Variants in FAM168B observed in about 807,000 individuals in gnomAD.
The protein encoded by FAM168B is family with sequence similarity 168 member B, also known as myelin-associated neurite-outgrowth inhibitor.
A neutral mutation model predicts 21.8 loss-of-function variants in FAM168B; 19 were observed. That is an observed-to-expected ratio of 0.87 (90% confidence interval 0.61 to 1.28). FAM168B has a LOEUF of 1.28. Ranked by LOEUF, FAM168B falls within the 50% of genes most tolerant of loss-of-function variation. The pLI is 0.00. For synonymous variants in FAM168B, 126 were observed against 104.8 expected (o/e 1.20, Z -1.24); for missense variants, 233 against 263.1 (o/e 0.89, Z 0.79).
chr2:131,089,549 G>A (rs1480834373), intron 1 of FAM168B, among the ~76,000 whole-genome samples: 7 of 149,578 alleles, frequency 4.7e-5, no homozygotes, highest in South Asian at 2.1e-4. Context: ...TGGCTAACAC[G>A]GTGAAACCTG....
chr2:131,069,380 C>T (rs1420217455), intron 3 of FAM168B, among the ~76,000 whole-genome samples: 3 of 152,034 alleles, frequency 2.0e-5, no homozygotes, highest in Admixed American at 1.3e-4. Context: ...CCATCATACA[C>T]AAAAATTAAC....
At position 131,050,922 on chromosome 2, in the gene FAM168B, C is replaced by G; in HGVS notation, c.*1543G>C. The G allele has an allele frequency of 1.0e-6, 1 of 985,764 alleles. No individual in the cohort carries two copies. The highest frequency in any genetic ancestry group is 1.2e-6 in the Non-Finnish European group (1 of 830,188). 61.1% of individuals were successfully genotyped at this position (985,764 alleles called of 1,614,324 possible). On this transcript the variant is annotated 3_prime_UTR_variant, in exon 7 of 7. Coordinates refer to ENST00000389915, the MANE Select transcript of FAM168B (RefSeq NM_001009993.4). ...AAAGGGACCCAGGCCTTACATCCCCCACCCCCACTCTGACCCTCACTGAGA... is the reference window on the plus strand; with the variant it reads ...AAAGGGACCCAGGCCTTACATCCCCGACCCCCACTCTGACCCTCACTGAGA...
chr2:131,056,324 A>G (rs1692018197), intron 3 of FAM168B, among the ~76,000 whole-genome samples: 2 of 152,336 alleles, frequency 1.3e-5, no homozygotes, highest in South Asian at 2.1e-4. Context: ...GAAAAAAGAC[A>G]TAAAACTCAC....
At chr2:131,067,693 C>A (rs1410852884) in intron 3 of FAM168B, among the ~76,000 whole-genome samples, 2 of 152,010 alleles carry the variant, frequency 1.3e-5, no homozygotes, top group Non-Finnish European at 2.9e-5. Context: ...TGCACTCCAG[C>A]CTAGGCAACA....
chr2:131,093,393 T>A lies in FAM168B; in HGVS notation c.-191A>T, dbSNP rs1468329630. On this transcript the variant is annotated 5_prime_UTR_variant, in exon 1 of 7. In the 5' UTR this introduces an upstream ATG that the reference lacks. Coordinates refer to ENST00000389915, the MANE Select transcript of FAM168B (RefSeq NM_001009993.4). ...CGCGCTCCCGCTCGCTCGGCTCCGC[T>A]TGGCCCGGCCCGCCTCTCCGCAGCC... is the stretch of plus-strand genomic sequence containing the variant. 2 of 150,716 alleles carry A rather than the reference T, an allele frequency of 1.3e-5. No homozygotes were observed. The highest frequency in any genetic ancestry group is 3.0e-5 in the Non-Finnish European group (2 of 67,544). The allele number at this position is 150,716 out of a possible 1,614,324, so 9.3% of individuals were successfully genotyped here.
At chr2:131,058,377 T>A (rs765453037) in intron 3 of FAM168B, among the ~76,000 whole-genome samples, 59 of 152,142 alleles carry the variant, frequency 3.9e-4, no homozygotes, top group Non-Finnish European at 6.8e-4. Context: ...GGTCTCACGG[T>A]GGGAGGTGCT....
intron 5 of FAM168B, among the ~76,000 whole-genome samples, chr2:131,053,742 T>C (rs142327752): frequency 6.6e-6 from 1 of 152,016 alleles, no homozygotes; most frequent in African/African-American, 2.4e-5. Flanking sequence ...CCAGGTGTGG[T>C]AGCATACTTA....
intron 3 of FAM168B, among the ~76,000 whole-genome samples, chr2:131,056,829 G>C (rs921688308): frequency 1.3e-5 from 2 of 152,052 alleles, no homozygotes; most frequent in East Asian, 3.9e-4. Context: ...AAGGACACAT[G>C]CTGGATGCAT....
intron 2 of FAM168B, among the ~76,000 whole-genome samples, chr2:131,080,033 C>T (rs1693355299): frequency 6.6e-6 from 1 of 151,868 alleles, no homozygotes; most frequent in Admixed American, 6.6e-5. Context: ...AGGAGAATCA[C>T]CTGAACGCGG....
At chr2:131,082,787 C>T (rs2105571497) in intron 1 of FAM168B, 130 bp from the exon 2 acceptor site, 4 of 594,554 alleles carry the variant, frequency 6.7e-6, no homozygotes, top group Middle Eastern at 2.7e-4. Flanking sequence ...TTCATGCTGC[C>T]CCCAACCAGC....
rs750433795 is a variant in FAM168B at position 131,050,284 on chromosome 2, G to A, written c.*2181C>T. 1.8e-4 allele frequency: 175 copies of A among 985,200 alleles called. No individual in the cohort carries two copies. Among genetic ancestry groups the A allele is most frequent in the Non-Finnish European group, 2.0e-4 (165 of 829,920 alleles). 61.0% of individuals were successfully genotyped at this position (985,200 alleles called of 1,614,324 possible). ...TGTATGTTTCCATTTTGTTGTGTGG[G>A]GCTTTTTAAAAGCATACACTAACAT... On this transcript the variant is annotated 3_prime_UTR_variant, in exon 7 of 7. Transcript: ENST00000389915.
At chr2:131,072,235 T>C (rs1415654045) in intron 2 of FAM168B, among the ~76,000 whole-genome samples, 3 of 152,106 alleles carry the variant, frequency 2.0e-5, no homozygotes, top group Non-Finnish European at 2.9e-5. Context: ...GCGATTCTCC[T>C]GCCTCAGCCT....
intron 1 of FAM168B, among the ~76,000 whole-genome samples, chr2:131,086,431 G>A (rs1029753115): frequency 2.0e-5 from 3 of 152,108 alleles, no homozygotes; most frequent in African/African-American, 7.2e-5. Flanking sequence ...TGGCAATATG[G>A]CAAGACCCTG....
chr2:131,067,588 A>T (rs191996544), intron 3 of FAM168B, among the ~76,000 whole-genome samples: 37 of 152,292 alleles, frequency 2.4e-4, no homozygotes, highest in African/African-American at 7.2e-4. Context: ...AAAAATTTTT[A>T]AAAAATAATC....
At chr2:131,055,471 C>G (rs1410005868) in intron 4 of FAM168B, 22 bp from the exon 5 acceptor site, 2 of 1,604,398 alleles carry the variant, frequency 1.2e-6, no homozygotes, top group Non-Finnish European at 1.7e-6. Context: ...AGAGAGACAA[C>G]TGACACAGGG....
intron 2 of FAM168B, among the ~76,000 whole-genome samples, chr2:131,079,648 CT>C (rs1200487837): frequency 1.3e-5 from 2 of 152,170 alleles, no homozygotes; most frequent in Admixed American, 6.5e-5. Context: ...CTGCCAACGC[CT>C]TGATTTCGAA....
rs556548943 is a variant in FAM168B, at chr2:131,061,072, T to C, written c.155-5377A>G. ...TTCACCGTGTTAGCCAGGATGGTCT[T>C]GATCTCCTGACCTTGTGATCCACCC... is the stretch of plus-strand genomic sequence containing the variant. On this transcript the variant is annotated intron_variant, in intron 3 of 6. Transcript: ENST00000389915. Among the ~76,000 whole-genome samples, 24 of 150,350 alleles carry C rather than the reference T, an allele frequency of 1.6e-4. No individual in the cohort carries two copies. The South Asian group carries it at 4.4e-3, about 28-fold the overall frequency.
chr2:131,055,234 T>C (rs774173481), intron 5 of FAM168B, 38 bp downstream of exon 5: 1 of 1,459,208 alleles, frequency 6.9e-7, no homozygotes, highest in South Asian at 1.5e-5. Flanking sequence ...AGCTCTAGGG[T>C]ACACCATAGG....
Position 131,059,896 on chromosome 2 carries a change from C to G in FAM168B, c.155-4201G>C, listed in dbSNP as rs554970170. Among the ~76,000 whole-genome samples, 3 of 152,198 alleles carry G rather than the reference C, an allele frequency of 2.0e-5. No individual in the cohort carries two copies. The East Asian group carries it at 5.8e-4, about 29-fold the overall frequency. ...GTCTGAGATTTGCTTCAAAATAATA[C>G]AGAGGAAAGTGGCAGGGGCCCAGAT... On this transcript the variant is annotated intron_variant, in intron 3 of 6. Transcript: ENST00000389915.
Sources: gnomAD v4.1 joint callset for allele counts (sites outside exome capture counted in the v4.1 genomes callset) on GRCh38, gnomAD v4.1.1 for gene constraint, MANE v1.5 for transcripts, NCBI Gene and HGNC (gene_info 2026-07-23, HGNC 2026-07-21) for gene names.